Variants in XKR4 observed in about 807,000 individuals in gnomAD.
XKR4 encodes the protein XK related 4.
Under a neutral mutation model 53.9 loss-of-function variants are expected in XKR4, and 12 were observed. The observed-to-expected ratio is 0.22, with a 90% CI of 0.14 to 0.36. The LOEUF (loss-of-function observed/expected upper bound fraction) is 0.36. Among genes scored for constraint, XKR4 ranks in the 10% least tolerant of loss-of-function variants. XKR4 has a pLI of 1.00. For missense variants in XKR4, 799 were observed against 859.5 expected, an observed-to-expected ratio of 0.93 and a Z score of 0.88; for synonymous variants, 354 against 362.4, an observed-to-expected ratio of 0.98 and a Z score of 0.26.
rs750281334 is a variant in XKR4, at chr8:55,102,955, C to T, written c.467C>T (p.Ser156Phe). 2.5e-6 allele frequency: 4 copies of T among 1,611,582 alleles called. No homozygotes were observed. Among genetic ancestry groups the T allele is most frequent in the Non-Finnish European group, 2.5e-6 (3 of 1,179,860 alleles). Residue 156 changes from serine to phenylalanine, a missense_variant, in exon 1 of 3, where the codon TCT becomes TTT. Ser to Phe is a radical substitution (Grantham distance 155). This residue lies in a region of XKR4 where 476 missense variants were observed against 505.4 expected (regional missense o/e 0.94). Coordinates refer to ENST00000327381, the MANE Select transcript of XKR4 (RefSeq NM_052898.2). This position sits in a 1 kb window ranked among gnomAD's most constrained non-coding sequence, Gnocchi z 5.1. ...GLTLFFVVLGSLSVQVFSFRW... is the reference protein window; with the variant it reads ...GLTLFFVVLGFLSVQVFSFRW... ...ACGCTCTTCTTCGTGGTGCTCGGCTCTCTGTCGGTGCAAGTGTTCAGCTTC... is the reference window on the plus strand; with the variant it reads ...ACGCTCTTCTTCGTGGTGCTCGGCTTTCTGTCGGTGCAAGTGTTCAGCTTC...
intron 1 of XKR4, among the ~76,000 whole-genome samples, chr8:55,177,390 G>C (rs1227058750): frequency 6.6e-6 from 1 of 152,146 alleles, no homozygotes; most frequent in East Asian, 1.9e-4. Flanking sequence ...ACACAGTTAA[G>C]TACTGGGCTC....
In XKR4 at chr8:55,273,170, G is replaced by T. The variant is rs892094827; in HGVS notation, c.807-84508G>T. 2.0e-5 allele frequency among the ~76,000 whole-genome samples: 3 copies of T among 151,754 alleles called. No individual in the cohort carries two copies. The South Asian group carries it at 6.3e-4, about 32-fold the overall frequency. On this transcript the variant is annotated intron_variant, in intron 1 of 2. Transcript: ENST00000327381. ...TGTGTGTGTGTGTGTGTGTGTGTGT[G>T]TGTGTGTGTGTGTATGTTGCTGCAC...
intron 1 of XKR4, among the ~76,000 whole-genome samples, chr8:55,216,449 C>T (rs533816649): frequency 1.1e-4 from 17 of 152,194 alleles, no homozygotes; most frequent in South Asian, 6.2e-4. Flanking sequence ...AGCCACAGAC[C>T]GGGCATGGTG....
chr8:55,460,739 AG>A (rs1805643144), intron 2 of XKR4, among the ~76,000 whole-genome samples: 2 of 152,202 alleles, frequency 1.3e-5, no homozygotes, highest in Admixed American at 1.3e-4. Context: ...AGTCAAAGAA[AG>A]GGGTGACAGA....
At chr8:55,463,365 C>T (rs1252555094) in intron 2 of XKR4, among the ~76,000 whole-genome samples, 3 of 151,748 alleles carry the variant, frequency 2.0e-5, no homozygotes, top group Non-Finnish European at 1.5e-5. Flanking sequence ...CAACCTGCTC[C>T]TGAATGACTA....
chr8:55,146,452 C>A (rs1469816263), intron 1 of XKR4, among the ~76,000 whole-genome samples: 1 of 152,228 alleles, frequency 6.6e-6, no homozygotes, highest in African/African-American at 2.4e-5. Context: ...TAGAAGAGTG[C>A]TTTCCACTGC....
At chr8:55,429,636 T>C (rs1222563711) in intron 2 of XKR4, among the ~76,000 whole-genome samples, 2 of 150,486 alleles carry the variant, frequency 1.3e-5, no homozygotes, top group East Asian at 1.9e-4. Flanking sequence ...GGCACTGAGG[T>C]AGAAGGATCA....
intron 2 of XKR4, among the ~76,000 whole-genome samples, chr8:55,513,956 G>T (rs989854294): frequency 2.6e-5 from 4 of 152,192 alleles, no homozygotes; most frequent in African/African-American, 9.7e-5. Flanking sequence ...GCCACATCCA[G>T]CCCACCTCCT....
intron 1 of XKR4, among the ~76,000 whole-genome samples, chr8:55,275,256 ATAT>A (rs1403892375): frequency 6.6e-6 from 1 of 152,176 alleles, no homozygotes; most frequent in Non-Finnish European, 1.5e-5. Context: ...TTAAAATATA[ATAT>A]TCTTATAAGT....
chr8:55,289,866 A>AAGAAAGAAAG (rs1818992443), intron 1 of XKR4, among the ~76,000 whole-genome samples: 1 of 16,878 alleles, frequency 5.9e-5, no homozygotes, highest in African/African-American at 7.2e-5. Flanking sequence ...GAAAGAAAGA[A>AAGAAAGAAAG]AGAAAGAAAG....
intron 1 of XKR4, among the ~76,000 whole-genome samples, chr8:55,343,571 G>A (rs995397573): frequency 7.9e-5 from 12 of 152,256 alleles, no homozygotes; most frequent in African/African-American, 2.9e-4. Flanking sequence ...TACGCTGGGA[G>A]CAGACAAACA....
At position 55,538,655 on chromosome 8, in the gene XKR4, C is replaced by T. The variant is rs1051791986; in HGVS notation, c.*14428C>T. 6.6e-6 allele frequency: 1 copy of T among 152,156 alleles called. No homozygotes were observed. Among genetic ancestry groups the T allele is most frequent in the Non-Finnish European group, 1.5e-5 (1 of 68,036 alleles). The allele number at this position is 152,156 out of a possible 1,614,324, so 9.4% of individuals were successfully genotyped here. A position where few individuals can be genotyped will look rare whatever the true frequency, so the allele number is the denominator to read the frequency against. On this transcript the variant is annotated 3_prime_UTR_variant, in exon 3 of 3. Transcript: ENST00000327381. ...TAAAATGCACCCAGAAAACTTGTCT[C>T]CTCCTGATGCCTGAGGGGTTTGCAT...
At chr8:55,303,251 T>C (rs547319551) in intron 1 of XKR4, among the ~76,000 whole-genome samples, 1 of 152,236 alleles carries the variant, frequency 6.6e-6, no homozygotes, top group Non-Finnish European at 1.5e-5. Context: ...TCTATTGATA[T>C]AATCCTGTGG....
chr8:55,355,407 G>A (rs559066137), intron 1 of XKR4, among the ~76,000 whole-genome samples: 1 of 152,164 alleles, frequency 6.6e-6, no homozygotes, highest in African/African-American at 2.4e-5. Context: ...TCAAGAGGAG[G>A]CATCCAAGAA....
intron 1 of XKR4, among the ~76,000 whole-genome samples, chr8:55,298,246 T>G (rs1819127988): frequency 6.6e-6 from 1 of 152,128 alleles, no homozygotes; most frequent in Non-Finnish European, 1.5e-5. Context: ...ATGTAAAAAC[T>G]TACAGAAAAA....
chr8:55,213,787 A>C (rs1817760973), intron 1 of XKR4, among the ~76,000 whole-genome samples: 1 of 149,254 alleles, frequency 6.7e-6, no homozygotes, highest in Non-Finnish European at 1.5e-5. Flanking sequence ...TTCTGTTATA[A>C]TTTTTGCAAA....
intron 1 of XKR4, among the ~76,000 whole-genome samples, chr8:55,350,784 G>A (rs2129383560): frequency 7.4e-6 from 1 of 134,494 alleles, no homozygotes; most frequent in African/African-American, 2.8e-5. Flanking sequence ...CTGTCACCCT[G>A]GCTGGAGTGC....
At chr8:55,452,890 C>G (rs551840183) in intron 2 of XKR4, 2 of 787,148 alleles carry the variant, frequency 2.5e-6, no homozygotes, top group Admixed American at 1.7e-5. Flanking sequence ...AGGTAGCTCA[C>G]GCAGTTGGTA....
chr8:55,289,727 A>G (rs1331173333), intron 1 of XKR4, among the ~76,000 whole-genome samples: 3 of 47,594 alleles, frequency 6.3e-5, no homozygotes, highest in African/African-American at 1.1e-4. Flanking sequence ...GAGAAAGAGA[A>G]AGAAAGAAAG....
Sources: gnomAD v4.1 joint callset for allele counts (sites outside exome capture counted in the v4.1 genomes callset) on GRCh38, gnomAD v4.1.1 for gene constraint, gnomAD v4.1.1 regional missense constraint, Gnocchi (gnomAD v3.1) non-coding constraint, MANE v1.5 for transcripts, NCBI Gene and HGNC (gene_info 2026-07-23, HGNC 2026-07-21) for gene names.